The following PLEKHG4B variants were observed in gnomAD, a reference collection of about 807,000 sequenced individuals.
PLEKHG4B encodes the protein pleckstrin homology and RhoGEF domain containing G4B, also known as pleckstrin homology domain-containing family G member 4B.
In PLEKHG4B, 111 loss-of-function variants were observed where a neutral mutation model predicts 121.3. That is an observed-to-expected ratio of 0.92 (90% CI 0.78 to 1.07). PLEKHG4B has a LOEUF of 1.07. PLEKHG4B is among the 50% of genes least tolerant of loss of function. PLEKHG4B has a pLI of 0.00. For missense variants in PLEKHG4B, 1,831 were observed against 1,757.8 expected (o/e 1.04, Z -0.74); for synonymous variants, 738 against 725.0 (o/e 1.02, Z -0.29).
At chr5:158,407 C>G (rs1735870226) in intron 11 of PLEKHG4B, among the ~76,000 whole-genome samples, 1 of 144,082 alleles carries the variant, frequency 6.9e-6, no homozygotes, top group Non-Finnish European at 1.5e-5. Context: ...CCTCTCTCTG[C>G]CCATCCTGGG....
chr5:149,802 TTCAAA>T (rs765617803), intron 6 of PLEKHG4B, among the ~76,000 whole-genome samples: 2 of 152,118 alleles, frequency 1.3e-5, no homozygotes, highest in Non-Finnish European at 2.9e-5. Flanking sequence ...ATTAGAGAAA[TTCAAA>T]TCAAAACCTC....
chr5:171,601 G>A (rs1369808768), intron 16 of PLEKHG4B, among the ~76,000 whole-genome samples, 157 bp downstream of exon 16: 1 of 152,190 alleles, frequency 6.6e-6, no homozygotes, highest in Non-Finnish European at 1.5e-5. Flanking sequence ...AGGCCGCAGC[G>A]GGGGCCACCT....
intron 1 of PLEKHG4B, among the ~76,000 whole-genome samples, chr5:112,592 C>T (rs553500890): frequency 4.3e-4 from 66 of 152,312 alleles, no homozygotes; most frequent in Admixed American, 4.6e-4. Context: ...AAATGCCAAG[C>T]GGAAGTCAGT....
At chr5:172,435 C>T (rs1055970474) in intron 16 of PLEKHG4B, among the ~76,000 whole-genome samples, 1 of 152,188 alleles carries the variant, frequency 6.6e-6, no homozygotes, top group Non-Finnish European at 1.5e-5. Context: ...CTGTCGGATT[C>T]CCAGGGGCTA....
rs553903528 is a variant in PLEKHG4B, at chr5:125,041, G to A, written c.243+11593G>A. 2.4e-4 allele frequency among the ~76,000 whole-genome samples: 37 copies of A among 152,266 alleles called. 1 individual carries two copies. The highest frequency in any genetic ancestry group is 7.5e-4 in the African/African-American group (31 of 41,550). ...CCAGCTACTTGGGAGGCTGAGGCACGAGAATCCCTTGAACCCAGGAGGCAG... is the reference window on the plus strand; with the variant it reads ...CCAGCTACTTGGGAGGCTGAGGCACAAGAATCCCTTGAACCCAGGAGGCAG... On this transcript the variant is annotated intron_variant, in intron 2 of 19. Transcript: ENST00000637938.
chr5:169,107 C>A, intron 13 of PLEKHG4B: 1 of 551,364 alleles, frequency 1.8e-6, no homozygotes. Flanking sequence ...ATCTCTTGAC[C>A]TCGTGATCTA....
At chr5:143,303 A>C in intron 4 of PLEKHG4B, 47 bp downstream of exon 4, 1 of 1,608,164 alleles carries the variant, frequency 6.2e-7, no homozygotes, top group Non-Finnish European at 8.5e-7. Context: ...TCTGACATCT[A>C]AGCCGACAGC....
intron 6 of PLEKHG4B, among the ~76,000 whole-genome samples, chr5:146,037 C>T (rs975738697): frequency 6.6e-6 from 1 of 151,734 alleles, no homozygotes; most frequent in Non-Finnish European, 1.5e-5. Context: ...ACTCCCCTTC[C>T]ATGGTCCTCC....
intron 1 of PLEKHG4B, among the ~76,000 whole-genome samples, chr5:98,289 A>G (rs960951197): frequency 2.4e-4 from 37 of 151,962 alleles, no homozygotes; most frequent in Non-Finnish European, 4.1e-4. Flanking sequence ...CAGTTGTGTC[A>G]GCATTCATTC....
At position 162,923 on chromosome 5, in the gene PLEKHG4B, C is replaced by T. The variant is rs147149943; in HGVS notation, c.2851C>T (p.Arg951Trp). 140 of 1,544,458 alleles carry T rather than the reference C, an allele frequency of 9.1e-5. No individual in the cohort carries two copies. The African/African-American group carries it at 1.1e-3, about 12-fold the overall frequency. ...CCTGTGGCTGCAGTACCCCCAGACC[C>T]GGCTCCGTCTGGAAGAGGCCCTTTC... ...QDLWLQYPQT[R>W]LRLEEALSEA... Residue 951 changes from arginine (R) to tryptophan (W), a missense_variant, in exon 13 of 20, where the codon CGG (arginine) becomes TGG (tryptophan). Transcript: ENST00000637938.
Position 113,358 on chromosome 5 carries a change from G to A in PLEKHG4B, c.153G>A (p.Glu51=). The A allele has an allele frequency of 2.5e-6, 1 of 399,152 alleles. No individual in the cohort carries two copies. The highest frequency in any genetic ancestry group is 4.4e-6 in the Non-Finnish European group (1 of 226,148). The allele number at this position is 399,152 out of a possible 1,614,324, so 24.7% of individuals were successfully genotyped here. The change falls in exon 2 of 20, where the codon GAG becomes GAA. Residue 51 remains glutamate (E), a synonymous_variant. Transcript: ENST00000637938. This position sits in a 1 kb window ranked among gnomAD's most constrained non-coding sequence, Gnocchi z 5.2. The part of the protein sequence containing the change: ...TVLWQLFSVA[E]RCHGGDGLHC... The stretch of plus-strand genomic sequence containing the variant: ...TCTGGCAGCTGTTCAGCGTGGCCGA[G>A]AGGTGCCACGGTGGGGACGGGCTGC...
chr5:160,166 G>A lies in PLEKHG4B; in HGVS notation c.2488-1617G>A, dbSNP rs113397665. On this transcript the variant is annotated intron_variant, in intron 11 of 19. Transcript: ENST00000637938. ...AATAGATTTTTACACACGGGATGCC[G>A]CATGTGGCGGCCTCGGCACCCTGTG... Among the ~76,000 whole-genome samples the A allele has an allele frequency of 3.2e-3, 488 of 152,366 alleles. 1 individual carries two copies. The highest frequency in any genetic ancestry group is 0.01 in the African/African-American group (424 of 41,588).
chr5:171,051 G>A lies in PLEKHG4B; in HGVS notation c.3738G>A (p.Gln1246=). ...CGCCTCTGCTTTTCCAGGAAGAGCA[G>A]TTTGGGATGTACGTGATCTACAGCA... ...VGRSFLRHEE[Q]FGMYVIYSKN... Residue 1246 remains glutamine, a synonymous_variant, in exon 15 of 20, where the codon CAG becomes CAA. Transcript: ENST00000637938. The A allele has an allele frequency of 6.2e-7, 1 of 1,612,010 alleles. No homozygotes were observed.
chr5:97,656 C>T (rs75072481), intron 1 of PLEKHG4B, among the ~76,000 whole-genome samples: 2,464 of 149,628 alleles, frequency 0.016, 84 homozygotes, highest in African/African-American at 0.059. Flanking sequence ...TATAACTCTC[C>T]GCTGTGTGGA....
intron 2 of PLEKHG4B, among the ~76,000 whole-genome samples, chr5:134,076 AATATATAT>A (rs67940117): frequency 0.075 from 3,033 of 40,180 alleles, 99 homozygotes; most frequent in African/African-American, 0.081. Flanking sequence ...TATATGATAG[AATATATAT>A]ATATATATAT....
In PLEKHG4B at chr5:92,253, G is replaced by C. The variant is rs904743901; in HGVS notation, c.22G>C (p.Gly8Arg). 7.9e-5 allele frequency: 27 copies of C among 341,704 alleles called. No individual in the cohort carries two copies. The highest frequency in any genetic ancestry group is 5.3e-4 in the Admixed American group (10 of 19,036). 21.2% of individuals were successfully genotyped at this position (341,704 alleles called of 1,614,324 possible). ...CAGCATGGGTTTCAGCACAGCAGACGGCGGGGGCGGCCCAGGCGCCCGGGT... is the reference window on the plus strand; with the variant it reads ...CAGCATGGGTTTCAGCACAGCAGACCGCGGGGGCGGCCCAGGCGCCCGGGT... Reference protein sequence around the residue: MGFSTADGGGGPGARDLE... With the variant: MGFSTADRGGGPGARDLE... The change falls in exon 1 of 20, where the codon GGC becomes CGC. Residue 8 changes from glycine to arginine, a missense_variant. Gly to Arg is a moderately radical substitution (Grantham distance 125, BLOSUM62 -2). Coordinates refer to ENST00000637938, the MANE Select transcript of PLEKHG4B (RefSeq NM_052909.5).
intron 1 of PLEKHG4B, among the ~76,000 whole-genome samples, chr5:101,132 G>C (rs1366439471): frequency 8.7e-6 from 1 of 114,596 alleles, no homozygotes; most frequent in African/African-American, 4.8e-5. Context: ...ATAAAGCCCT[G>C]GAAAAAGTCT....
intron 2 of PLEKHG4B, among the ~76,000 whole-genome samples, chr5:127,340 T>TTTATTTATTA (rs1553983980): frequency 2.4e-4 from 32 of 135,562 alleles, no homozygotes; most frequent in African/African-American, 8.8e-4. Flanking sequence ...ATTGTTGGTT[T>TTTATTTATTA]TTATTATTAT....
In PLEKHG4B at chr5:161,943, C is replaced by T. The variant is rs138857981; in HGVS notation, c.2648C>T (p.Thr883Met). 3.0e-4 allele frequency: 479 copies of T among 1,606,996 alleles called. No homozygotes were observed. Among genetic ancestry groups the T allele is most frequent in the Non-Finnish European group, 3.5e-4 (411 of 1,176,398 alleles). Residue 883 changes from threonine to methionine, a missense_variant and splice_region_variant, in exon 12 of 20, where the codon ACG becomes ATG. Thr to Met is a moderately conservative substitution (Grantham distance 81). Transcript: ENST00000637938. Reference protein sequence around the residue: ...RWTRSSELCETVSSWMGPLDP... With the variant: ...RWTRSSELCEMVSSWMGPLDP... ...ACCCGCTCGTCCGAGTTGTGCGAGA[C>T]GGTAAGAGACCCAGTGGGCGTGCGT...
Sources: allele counts gnomAD v4.1 joint callset (sites outside exome capture counted in the v4.1 genomes callset), GRCh38; gene constraint gnomAD v4.1.1; non-coding constraint Gnocchi (gnomAD v3.1); transcripts MANE v1.5; gene names NCBI Gene and HGNC (gene_info 2026-07-23, HGNC 2026-07-21).